Variants in MAN1C1 observed in about 807,000 individuals in gnomAD.
MAN1C1 encodes mannosyl-oligosaccharide 1,2-alpha-mannosidase IC.
A neutral mutation model predicts 71.5 loss-of-function variants in MAN1C1; 49 were observed. That is an observed-to-expected ratio of 0.69 (90% CI 0.54 to 0.87). The LOEUF is 0.87. MAN1C1 is among the 40% of genes least tolerant of loss of function. The pLI is 0.00. For missense variants in MAN1C1, 743 were observed against 835.0 expected, an observed-to-expected ratio of 0.89 and a Z score of 1.36; for synonymous variants, 352 against 343.7, an observed-to-expected ratio of 1.02 and a Z score of -0.27.
chr1:25,717,907 T>C (rs926519293), intron 2 of MAN1C1, among the ~76,000 whole-genome samples: 1 of 152,150 alleles, frequency 6.6e-6, no homozygotes, highest in Non-Finnish European at 1.5e-5. Flanking sequence ...TTCTAGTTGT[T>C]CCATTTCCTC....
At chr1:25,704,412 C>T (rs2124227429) in intron 2 of MAN1C1, among the ~76,000 whole-genome samples, 1 of 152,340 alleles carries the variant, frequency 6.6e-6, no homozygotes, top group South Asian at 2.1e-4. Context: ...AGACCCAATC[C>T]CAGACAGCAG....
At chr1:25,638,156 C>T (rs1419151921) in intron 1 of MAN1C1, among the ~76,000 whole-genome samples, 3 of 151,936 alleles carry the variant, frequency 2.0e-5, no homozygotes, top group African/African-American at 7.2e-5. Context: ...ATTTCAGATT[C>T]TATTTTTATG....
chr1:25,661,189 T>C (rs1206073593), intron 1 of MAN1C1, among the ~76,000 whole-genome samples: 1 of 152,276 alleles, frequency 6.6e-6, no homozygotes, highest in Non-Finnish European at 1.5e-5. Flanking sequence ...CGCACACTGC[T>C]GGATGCAGCT....
At chr1:25,743,270 A>G (rs2047085289) in intron 2 of MAN1C1, among the ~76,000 whole-genome samples, 1 of 152,176 alleles carries the variant, frequency 6.6e-6, no homozygotes, top group African/African-American at 2.4e-5. Flanking sequence ...GGTGAACCCC[A>G]TGGCTTCAGA....
chr1:25,727,468 G>A (rs1249001136), intron 2 of MAN1C1, among the ~76,000 whole-genome samples: 4 of 152,208 alleles, frequency 2.6e-5, no homozygotes, highest in South Asian at 2.1e-4. Flanking sequence ...GCCCGAGAAC[G>A]GGACAGTGGG....
At position 25,775,757 on chromosome 1, in the gene MAN1C1, G is replaced by A. The variant is rs1453219693; in HGVS notation, c.1258-2348G>A. 6.6e-6 allele frequency among the ~76,000 whole-genome samples: 1 copy of A among 152,216 alleles called. No individual in the cohort carries two copies. Among genetic ancestry groups the A allele is most frequent in the Non-Finnish European group, 1.5e-5 (1 of 68,036 alleles). ...GGAGGCGCAGCACCAGCTAAGCCCC[G>A]AAGCAGGAAGAAAAATGCAGCTTTC... On this transcript the variant is annotated intron_variant, in intron 8 of 11. Coordinates refer to ENST00000374332, the MANE Select transcript of MAN1C1 (RefSeq NM_020379.4). This position sits in a 1 kb window ranked among gnomAD's most constrained non-coding sequence, Gnocchi z 5.1.
chr1:25,746,608 C>T lies in MAN1C1; in HGVS notation c.638-60C>T. 1.5e-6 allele frequency: 2 copies of T among 1,329,976 alleles called. No homozygotes were observed. The highest frequency in any genetic ancestry group is 1.5e-5 in the African/African-American group (1 of 68,892). 82.4% of individuals were successfully genotyped at this position (1,329,976 alleles called of 1,614,324 possible). A position where few individuals can be genotyped will look rare whatever the true frequency, so the allele number is the denominator to read the frequency against. On this transcript the variant is annotated intron_variant, in intron 2 of 11. Transcript: ENST00000374332. The surrounding 1 kb of genome is among the most constrained non-coding windows in gnomAD (Gnocchi z 4.0). ...AGGGGCCCTGAGAACGGTGGCTTGT[C>T]CAGTTGGGGAAAAGAGAAAGATGGC...
chr1:25,733,450 C>T (rs2124306315), intron 2 of MAN1C1, among the ~76,000 whole-genome samples: 1 of 152,222 alleles, frequency 6.6e-6, no homozygotes, highest in Admixed American at 6.5e-5. Context: ...ATGTGCTGTG[C>T]ATTCTGCCCG....
intron 2 of MAN1C1, among the ~76,000 whole-genome samples, chr1:25,739,805 C>A (rs912731801): frequency 6.6e-6 from 1 of 152,186 alleles, no homozygotes; most frequent in Non-Finnish European, 1.5e-5. Flanking sequence ...GGAGTAGACA[C>A]TTAACCCTGC....
intron 2 of MAN1C1, among the ~76,000 whole-genome samples, chr1:25,745,598 A>G (rs2047117735): frequency 6.6e-6 from 1 of 152,188 alleles, no homozygotes; most frequent in Admixed American, 6.5e-5. Context: ...GGTCGACCTC[A>G]CCTGCGTGGA....
intron 2 of MAN1C1, among the ~76,000 whole-genome samples, chr1:25,729,673 A>G (rs980866229): frequency 6.6e-5 from 10 of 151,700 alleles, no homozygotes; most frequent in African/African-American, 2.4e-4. Context: ...CACCACGCCC[A>G]GCTAATTTTT....
rs1296488696 is a variant in MAN1C1, at chr1:25,727,057, C to CA, written c.638-19601dup. 3.5e-4 allele frequency among the ~76,000 whole-genome samples: 51 copies of CA among 145,860 alleles called. No individual in the cohort carries two copies. In the East Asian group the frequency reaches 4.2e-3, roughly 12 times the overall value. ...GGTTGACAGAGCAAGACCCTGTTTCCAAAAAAAAAAGTAAAATTCTTGGTT... is the reference window on the plus strand; with the variant it reads ...GGTTGACAGAGCAAGACCCTGTTTCCAAAAAAAAAAAGTAAAATTCTTGGTT... On this transcript the variant is annotated intron_variant, in intron 2 of 11. Transcript: ENST00000374332.
intron 1 of MAN1C1, among the ~76,000 whole-genome samples, chr1:25,656,997 T>C (rs1007605940): frequency 2.0e-5 from 3 of 152,136 alleles, no homozygotes; most frequent in Admixed American, 6.5e-5. Flanking sequence ...GGCTAATTTT[T>C]TGTATTTTTC....
intron 1 of MAN1C1, among the ~76,000 whole-genome samples, chr1:25,650,533 C>T (rs545048177): frequency 1.6e-4 from 25 of 152,318 alleles, no homozygotes; most frequent in South Asian, 1.2e-3. Flanking sequence ...CACGACCCCC[C>T]GCAGAGAGAG....
intron 7 of MAN1C1, among the ~76,000 whole-genome samples, chr1:25,768,168 T>TCACACACACAGACC: frequency 1.8e-5 from 1 of 56,590 alleles, no homozygotes; most frequent in Non-Finnish European, 3.3e-5. Flanking sequence ...TACACTCCCC[T>TCACACACACAGACC]CACACACCCA....
At chr1:25,648,366 G>T (rs967979954) in intron 1 of MAN1C1, among the ~76,000 whole-genome samples, 1 of 152,208 alleles carries the variant, frequency 6.6e-6, no homozygotes, top group Admixed American at 6.5e-5. Flanking sequence ...TGCAGAAGCC[G>T]TCTGATATTG....
intron 1 of MAN1C1, among the ~76,000 whole-genome samples, chr1:25,638,466 A>G (rs1043175506): frequency 6.6e-6 from 1 of 152,062 alleles, no homozygotes; most frequent in Admixed American, 6.5e-5. Flanking sequence ...CCATATACTG[A>G]CCATTTCCAA....
chr1:25,707,919 C>T (rs1460854438), intron 2 of MAN1C1, among the ~76,000 whole-genome samples: 2 of 152,170 alleles, frequency 1.3e-5, no homozygotes, highest in Non-Finnish European at 2.9e-5. Context: ...CTGGGGGAGG[C>T]TGGGATGGAC....
At chr1:25,656,712 AT>A (rs2045772823) in intron 1 of MAN1C1, among the ~76,000 whole-genome samples, 1 of 152,142 alleles carries the variant, frequency 6.6e-6, no homozygotes, top group Admixed American at 6.6e-5. Flanking sequence ...GAGAAGACAC[AT>A]GTTGGGTCCT....
Sources: gnomAD v4.1 joint callset for allele counts (sites outside exome capture counted in the v4.1 genomes callset) on GRCh38, gnomAD v4.1.1 for gene constraint, Gnocchi (gnomAD v3.1) non-coding constraint, MANE v1.5 for transcripts, NCBI Gene and HGNC (gene_info 2026-07-23, HGNC 2026-07-21) for gene names.